The following PKNOX1 variants were observed in gnomAD, a reference collection of about 807,000 sequenced individuals.
PKNOX1 encodes homeobox protein PKNOX1.
Under a neutral mutation model 51.9 loss-of-function variants are expected in PKNOX1, and 15 were observed. The observed-to-expected ratio is 0.29, with a 90% CI of 0.19 to 0.45. The LOEUF is 0.45. Among genes scored for constraint, PKNOX1 ranks in the 20% least tolerant of loss-of-function variants. The pLI is 1.00. For missense variants in PKNOX1, 462 were observed against 547.5 expected (o/e 0.84, Z 1.56); for synonymous variants, 219 against 211.1 (o/e 1.04, Z -0.32).
At chr21:43,027,598 G>A (rs1199007332) in intron 9 of PKNOX1, among the ~76,000 whole-genome samples, 1 of 152,196 alleles carries the variant, frequency 6.6e-6, no homozygotes, top group Non-Finnish European at 1.5e-5. Context: ...CATTTGATAT[G>A]AAACAATGTC....
intron 1 of PKNOX1, among the ~76,000 whole-genome samples, chr21:42,980,337 A>G (rs2059019945): frequency 6.6e-6 from 1 of 151,964 alleles, no homozygotes; most frequent in Non-Finnish European, 1.5e-5. Context: ...GCTCCAGTGC[A>G]CTTCAGGCTG....
intron 1 of PKNOX1, among the ~76,000 whole-genome samples, chr21:42,977,301 C>G (rs146791125): frequency 6.6e-6 from 1 of 152,290 alleles, no homozygotes; most frequent in East Asian, 1.9e-4. Flanking sequence ...AAACTAAGCA[C>G]TGAGTTCTCT....
chr21:42,985,029 CCAGGCTGGACTGCAATGGCACGATCT>C (rs2059045081), intron 1 of PKNOX1, among the ~76,000 whole-genome samples: 1 of 138,280 alleles, frequency 7.2e-6, no homozygotes, highest in African/African-American at 2.7e-5. Context: ...GCTCTGTTGC[CCAGGCTGGACTGCAATGGCACGATCT>C]CGGCTCACTG....
intron 1 of PKNOX1, among the ~76,000 whole-genome samples, chr21:42,986,444 T>G (rs559401594): frequency 6.6e-6 from 1 of 152,218 alleles, no homozygotes; most frequent in Admixed American, 6.5e-5. Context: ...AAGATTGCAG[T>G]GAGCCGAGAT....
chr21:42,986,678 AC>A lies in PKNOX1; in HGVS notation c.-57+12015del, dbSNP rs1456380498. Among the ~76,000 whole-genome samples, 9 of 152,312 alleles carry A rather than the reference AC, an allele frequency of 5.9e-5. No individual in the cohort carries two copies. The East Asian group carries it at 1.3e-3, about 23-fold the overall frequency. On this transcript the variant is annotated intron_variant, in intron 1 of 10. Transcript: ENST00000291547. ...CTTCTCACACACAAAATGAAAGCTCACTTAACTGTCATGATGTATAGTTAGT... is the reference window on the plus strand; with the variant it reads ...CTTCTCACACACAAAATGAAAGCTCATTAACTGTCATGATGTATAGTTAGT...
At chr21:42,989,290 T>G (rs7276681) in intron 1 of PKNOX1, among the ~76,000 whole-genome samples, 2 of 151,952 alleles carry the variant, frequency 1.3e-5, no homozygotes, top group African/African-American at 4.8e-5. Context: ...ATCCCCAACC[T>G]GTTTTTTTCA....
intron 1 of PKNOX1, among the ~76,000 whole-genome samples, chr21:42,992,915 G>A (rs1415695282): frequency 2.1e-5 from 3 of 142,046 alleles, no homozygotes; most frequent in Admixed American, 7.4e-5. Context: ...GCACTGGGGG[G>A]CTTCCTCAGC....
At chr21:42,988,040 C>T (rs370342098) in intron 1 of PKNOX1, among the ~76,000 whole-genome samples, 1 of 146,512 alleles carries the variant, frequency 6.8e-6, no homozygotes, top group African/African-American at 2.5e-5. Flanking sequence ...CCTCCCACAC[C>T]TTCAGTTCTT....
intron 5 of PKNOX1, among the ~76,000 whole-genome samples, chr21:43,015,962 T>C (rs1479909911): frequency 6.6e-6 from 1 of 152,236 alleles, no homozygotes; most frequent in African/African-American, 2.4e-5. Flanking sequence ...CTGCTTTCGG[T>C]TCATGATGTT....
At chr21:43,022,733 T>C (rs1979818104) in intron 8 of PKNOX1, among the ~76,000 whole-genome samples, 1 of 152,126 alleles carries the variant, frequency 6.6e-6, no homozygotes, top group Non-Finnish European at 1.5e-5. Flanking sequence ...TGTCGTTCAA[T>C]ATAATAATGG....
intron 1 of PKNOX1, among the ~76,000 whole-genome samples, chr21:42,989,955 C>T (rs958435211): frequency 2.6e-5 from 4 of 151,904 alleles, no homozygotes; most frequent in Non-Finnish European, 4.4e-5. Context: ...AAAAGTAAAC[C>T]GGGTGTGGTG....
chr21:42,993,296 C>T (rs1239639842), intron 1 of PKNOX1, among the ~76,000 whole-genome samples: 1 of 152,178 alleles, frequency 6.6e-6, no homozygotes, highest in East Asian at 1.9e-4. Flanking sequence ...AAAACGCTGA[C>T]TGAACGAATG....
chr21:43,028,947 G>T (rs768880627), intron 10 of PKNOX1, 73 bp downstream of exon 10: 2 of 1,472,304 alleles, frequency 1.4e-6, no homozygotes, highest in South Asian at 1.1e-5. Context: ...CCTGGATCAG[G>T]CCTGTTAGCT....
At chr21:42,986,332 C>G (rs373779730) in intron 1 of PKNOX1, among the ~76,000 whole-genome samples, 10 of 152,210 alleles carry the variant, frequency 6.6e-5, no homozygotes, top group South Asian at 6.2e-4. Flanking sequence ...GAAACTCCAT[C>G]TCTACTAGAA....
intron 5 of PKNOX1, 22 bp downstream of exon 5, chr21:43,013,260 G>A (rs369013012): frequency 1.8e-5 from 28 of 1,537,144 alleles, no homozygotes; most frequent in Middle Eastern, 1.7e-4. Flanking sequence ...TGGGGGTCTC[G>A]CTTTCCCTCT....
intron 2 of PKNOX1, 116 bp from the exon 3 acceptor site, chr21:43,007,375 A>C (rs1315961962): frequency 4.6e-6 from 4 of 879,078 alleles, no homozygotes; most frequent in Non-Finnish European, 7.4e-6. Flanking sequence ...TTTACATATG[A>C]TTGCAGTCAT....
chr21:42,992,061 G>A (rs1209775615), intron 1 of PKNOX1, among the ~76,000 whole-genome samples: 1 of 152,170 alleles, frequency 6.6e-6, no homozygotes, highest in African/African-American at 2.4e-5. Flanking sequence ...ATGTGGCTTC[G>A]GAAGCTGCAT....
intron 1 of PKNOX1, among the ~76,000 whole-genome samples, chr21:42,989,543 C>T (rs758069199): frequency 5.3e-5 from 8 of 152,028 alleles, no homozygotes; most frequent in Non-Finnish European, 1.2e-4. Flanking sequence ...CTCAGCCTCC[C>T]GAGTAGCTGG....
intron 5 of PKNOX1, among the ~76,000 whole-genome samples, chr21:43,014,179 A>G (rs968213237): frequency 1.5e-4 from 22 of 151,532 alleles, no homozygotes; most frequent in South Asian, 2.1e-4. Flanking sequence ...CTGCCACCAC[A>G]CCCGGCTAAT....
Sources: gnomAD v4.1 joint callset for allele counts (sites outside exome capture counted in the v4.1 genomes callset) on GRCh38, gnomAD v4.1.1 for gene constraint, MANE v1.5 for transcripts, NCBI Gene and HGNC (gene_info 2026-07-23, HGNC 2026-07-21) for gene names.